The following FGF13 variants were observed in gnomAD, a reference collection of about 807,000 sequenced individuals.
The protein encoded by FGF13 is fibroblast growth factor homologous factor 2.
A neutral mutation model predicts 19.5 loss-of-function variants in FGF13; 2 were observed. The ratio of observed to expected loss-of-function variants is 0.10; its 90% confidence interval spans 0.04 to 0.32. The LOEUF (loss-of-function observed/expected upper bound fraction) is 0.32. Among genes scored for constraint, FGF13 ranks in the 10% least tolerant of loss-of-function variants. FGF13 has a pLI of 1.00. For missense variants in FGF13, 113 were observed against 192.7 expected, an observed-to-expected ratio of 0.59 and a Z score of 2.45; for synonymous variants, 72 against 76.9, an observed-to-expected ratio of 0.94 and a Z score of 0.33.
At chrX:138,811,939 ACTTT>A (rs1397538551) in intron 3 of FGF13, among the ~76,000 whole-genome samples, 1 of 106,834 alleles carries the variant, frequency 9.4e-6, no homozygotes, top group Non-Finnish European at 1.9e-5. Flanking sequence ...AAATCCAACC[ACTTT>A]CTTTTTTTTT....
intron 3 of FGF13, among the ~76,000 whole-genome samples, chrX:138,773,813 T>C (rs1237919673): frequency 8.9e-6 from 1 of 112,407 alleles, no homozygotes; most frequent in Non-Finnish European, 1.9e-5. Context: ...CCTAAGGTAC[T>C]ATATGCCAGC....
At chrX:139,108,935 G>A (rs2083581437) in intron 1 of FGF13, among the ~76,000 whole-genome samples, 1 of 106,446 alleles carries the variant, frequency 9.4e-6, no homozygotes, top group Admixed American at 1.0e-4. Context: ...GAGCACATGC[G>A]ATGTTTGATT....
chrX:138,680,583 T>A (rs1428209868), intron 3 of FGF13, among the ~76,000 whole-genome samples: 1 of 111,299 alleles, frequency 9.0e-6, no homozygotes, highest in Non-Finnish European at 1.9e-5. Flanking sequence ...AATCTTTTTT[T>A]CCCCCCAGCA....
At chrX:139,115,249 T>A (rs1289126527) in intron 1 of FGF13, among the ~76,000 whole-genome samples, 1 of 112,131 alleles carries the variant, frequency 8.9e-6, no homozygotes, top group East Asian at 2.8e-4. Context: ...ATCTGCTAGT[T>A]GATTATCCAA....
At chrX:139,157,807 G>A (rs917850456) in intron 1 of FGF13, among the ~76,000 whole-genome samples, 2 of 112,822 alleles carry the variant, frequency 1.8e-5, no homozygotes, top group Non-Finnish European at 3.8e-5. Flanking sequence ...GTTACAGGAT[G>A]TGGCTGTCGG....
intron 1 of FGF13, among the ~76,000 whole-genome samples, chrX:139,162,319 T>C (rs1262257825): frequency 8.9e-6 from 1 of 112,223 alleles, no homozygotes; most frequent in East Asian, 2.8e-4. Flanking sequence ...ATTCAATAAA[T>C]GGTGTTGGGA....
At chrX:139,090,941 C>CAA (rs1181771963) in intron 1 of FGF13, among the ~76,000 whole-genome samples, 1,809 of 31,921 alleles carry the variant, frequency 0.057, 185 homozygotes, top group African/African-American at 0.18. Flanking sequence ...GACCCTGTCT[C>CAA]AAAAAAAAAA....
chrX:138,775,517 G>C (rs533223254), intron 3 of FGF13, among the ~76,000 whole-genome samples: 2 of 111,854 alleles, frequency 1.8e-5, no homozygotes, highest in South Asian at 7.5e-4. Context: ...ATTTTATCAA[G>C]GTGATGTTTA....
At chrX:139,175,614 T>C (rs1483092416) in intron 1 of FGF13, among the ~76,000 whole-genome samples, 1 of 111,415 alleles carries the variant, frequency 9.0e-6, no homozygotes, top group Non-Finnish European at 1.9e-5. Context: ...CATGAAAGAG[T>C]GTTGAATATT....
chrX:139,044,656 T>TA (rs764351374), intron 1 of FGF13, among the ~76,000 whole-genome samples: 5 of 110,077 alleles, frequency 4.5e-5, no homozygotes, highest in East Asian at 2.9e-4. Context: ...ATTCCAGCAT[T>TA]AAAAAAAAGG....
chrX:138,795,624 G>A (rs1436047358), intron 3 of FGF13, among the ~76,000 whole-genome samples: 1 of 111,742 alleles, frequency 8.9e-6, no homozygotes, highest in East Asian at 2.8e-4. Flanking sequence ...ATGTAGGACT[G>A]GACTGGCCCA....
intron 1 of FGF13, among the ~76,000 whole-genome samples, chrX:139,110,557 A>C (rs1274814559): frequency 9.0e-6 from 1 of 111,520 alleles, no homozygotes; most frequent in Non-Finnish European, 1.9e-5. Context: ...CATGATTGTG[A>C]GGCCTTCCCA....
chrX:138,967,694 G>A (rs2091900680), intron 1 of FGF13, among the ~76,000 whole-genome samples: 1 of 111,392 alleles, frequency 9.0e-6, no homozygotes, highest in Admixed American at 9.6e-5. Flanking sequence ...TGATCCAACT[G>A]CATAATGCCT....
At chrX:138,915,211 T>G (rs2091612114) in intron 1 of FGF13, among the ~76,000 whole-genome samples, 1 of 111,512 alleles carries the variant, frequency 9.0e-6, no homozygotes, top group Non-Finnish European at 1.9e-5. Flanking sequence ...CTTTCTTCCC[T>G]GTTTCATTTC....
chrX:139,179,038 G>A (rs1396609782), intron 1 of FGF13, among the ~76,000 whole-genome samples: 5 of 111,945 alleles, frequency 4.5e-5, no homozygotes, highest in Non-Finnish European at 9.4e-5. Context: ...ATTGCAAGCC[G>A]GCAAGATCAA....
At chrX:139,112,415 C>G (rs1039255367) in intron 1 of FGF13, among the ~76,000 whole-genome samples, 29 of 111,734 alleles carry the variant, frequency 2.6e-4, no homozygotes, top group African/African-American at 9.4e-4. Context: ...ATACAATTGA[C>G]TCATTTAAAA....
chrX:139,091,893 G>T (rs1455673514), intron 1 of FGF13, among the ~76,000 whole-genome samples: 1 of 109,680 alleles, frequency 9.1e-6, no homozygotes, highest in Non-Finnish European at 1.9e-5. Context: ...AGGGAGGGGA[G>T]ATTCTGTTCC....
chrX:139,099,017 C>A (rs2083489142), intron 1 of FGF13, among the ~76,000 whole-genome samples: 1 of 111,537 alleles, frequency 9.0e-6, no homozygotes, highest in African/African-American at 3.3e-5. Context: ...TGACAGCCTG[C>A]TCCCTCTGTA....
intron 3 of FGF13, among the ~76,000 whole-genome samples, chrX:138,765,569 G>T: frequency 8.9e-6 from 1 of 111,904 alleles, no homozygotes; most frequent in Non-Finnish European, 1.9e-5. Context: ...GAAGTTTAAG[G>T]CCTGGAGGAG....
Sources: gnomAD v4.1 joint callset for allele counts (sites outside exome capture counted in the v4.1 genomes callset) on GRCh38, gnomAD v4.1.1 for gene constraint, MANE v1.5 for transcripts, NCBI Gene and HGNC (gene_info 2026-07-23, HGNC 2026-07-21) for gene names.